Variants in TBC1D16 observed in about 807,000 individuals in gnomAD.
The protein encoded by TBC1D16 is TBC1 domain family member 16.
Under a neutral mutation model 74.7 loss-of-function variants are expected in TBC1D16, and 58 were observed. That is an observed-to-expected ratio of 0.78 (90% CI 0.63 to 0.97). The LOEUF is 0.97. Among genes scored for constraint, TBC1D16 ranks in the 50% least tolerant of loss-of-function variants. The pLI is 0.00. For synonymous variants in TBC1D16, 493 were observed against 474.7 expected, an observed-to-expected ratio of 1.04 and a Z score of -0.50; for missense variants, 1,014 against 1,079.5, an observed-to-expected ratio of 0.94 and a Z score of 0.85.
At chr17:80,024,769 T>C (rs2036487961) in intron 1 of TBC1D16, among the ~76,000 whole-genome samples, 1 of 145,574 alleles carries the variant, frequency 6.9e-6, no homozygotes, top group South Asian at 2.2e-4. Context: ...ATACACACCA[T>C]AGACACACAT....
At chr17:79,952,472 G>A (rs1313513327) in intron 4 of TBC1D16, among the ~76,000 whole-genome samples, 185 bp downstream of exon 4, 1 of 152,242 alleles carries the variant, frequency 6.6e-6, no homozygotes. Context: ...CCTGAGAACT[G>A]TCAGGGAGCT....
rs143677862 is a variant in TBC1D16, at chr17:80,000,684, A to G, written c.779+9476T>C. Among the ~76,000 whole-genome samples the G allele has an allele frequency of 4.6e-5, 7 of 152,306 alleles. No individual in the cohort carries two copies. The highest frequency in any genetic ancestry group is 1.9e-4 in the East Asian group (1 of 5,182). The stretch of plus-strand genomic sequence containing the variant: ...AGGTACACAGTGATGATGACTGTCT[A>G]TCTGCCCTGTACTGAGCCCTCTGTG... On this transcript the variant is annotated intron_variant, in intron 3 of 11. Coordinates refer to ENST00000310924, the MANE Select transcript of TBC1D16 (RefSeq NM_019020.4). This position sits in a 1 kb window ranked among gnomAD's most constrained non-coding sequence, Gnocchi z 4.1.
intron 1 of TBC1D16, among the ~76,000 whole-genome samples, chr17:80,024,434 ATC>A: frequency 1.9e-4 from 1 of 5,306 alleles, no homozygotes; most frequent in South Asian, 3.7e-3. Flanking sequence ...CACACTACAC[ATC>A]ATAGACACAC....
rs2031561593 is a variant in TBC1D16, at chr17:79,935,982, G to A, written c.*4877C>T. 6.6e-6 allele frequency: 1 copy of A among 152,198 alleles called. No homozygotes were observed. Among genetic ancestry groups the A allele is most frequent in the South Asian group, 2.1e-4 (1 of 4,828 alleles). The allele number at this position is 152,198 out of a possible 1,614,324, so 9.4% of individuals were successfully genotyped here. On this transcript the variant is annotated 3_prime_UTR_variant, in exon 12 of 12. Transcript: ENST00000310924. ...GCGACACACTATACTTAAAAGGCCAGATGGCTGCAGGCTGTTTGCACCCCT... is the reference window on the plus strand; with the variant it reads ...GCGACACACTATACTTAAAAGGCCAAATGGCTGCAGGCTGTTTGCACCCCT...
intron 3 of TBC1D16, among the ~76,000 whole-genome samples, chr17:79,984,985 C>T (rs2034774979): frequency 7.1e-6 from 1 of 140,496 alleles, no homozygotes; most frequent in Non-Finnish European, 1.5e-5. Flanking sequence ...CACAGCATTT[C>T]CCAGGGCTGC....
Position 79,952,782 on chromosome 17 carries a change from C to A in TBC1D16, c.816G>T (p.Pro272=). The A allele has an allele frequency of 6.2e-7, 1 of 1,611,448 alleles. No homozygotes were observed. The highest frequency in any genetic ancestry group is 8.5e-7 in the Non-Finnish European group (1 of 1,178,954). The change falls in exon 4 of 12, where the codon CCG becomes CCT. Residue 272 remains proline (P), a synonymous_variant. Transcript: ENST00000310924. ...GGGTCTGCAGGAGGCCGTTGCTGTCCGGGAACCGCAGGCCGGCGTCGGAGC... is the reference window on the plus strand; with the variant it reads ...GGGTCTGCAGGAGGCCGTTGCTGTCAGGGAACCGCAGGCCGGCGTCGGAGC... ...PSSSDAGLRF[P]DSNGLLQTPR...
chr17:80,008,685 C>A lies in TBC1D16; in HGVS notation c.779+1475G>T, dbSNP rs941961315. On this transcript the variant is annotated intron_variant, in intron 3 of 11. Coordinates refer to ENST00000310924, the MANE Select transcript of TBC1D16 (RefSeq NM_019020.4). This position sits in a 1 kb window ranked among gnomAD's most constrained non-coding sequence, Gnocchi z 4.5. ...GGGTTCCCTGGCGCCTGACGCCACC[C>A]AGCTCAGCAAGCCTCCTGGCACCTG... Among the ~76,000 whole-genome samples, 3 of 152,210 alleles carry A rather than the reference C, an allele frequency of 2.0e-5. No individual in the cohort carries two copies. Among genetic ancestry groups the A allele is most frequent in the African/African-American group, 7.2e-5 (3 of 41,448 alleles).
chr17:79,935,502 C>T lies in TBC1D16; in HGVS notation c.*5357G>A, dbSNP rs747428386. 4 of 152,444 alleles carry T rather than the reference C, an allele frequency of 2.6e-5. No individual in the cohort carries two copies. Among genetic ancestry groups the T allele is most frequent in the South Asian group, 2.1e-4 (1 of 4,826 alleles). 9.4% of individuals were successfully genotyped at this position (152,444 alleles called of 1,614,324 possible). Reference sequence around the variant, plus strand: ...CCCCATCTCAGAACATGGGAGAAGCCGGGCACACTGGCGTCTGCAGGCTGC... The same window carrying T: ...CCCCATCTCAGAACATGGGAGAAGCTGGGCACACTGGCGTCTGCAGGCTGC... On this transcript the variant is annotated 3_prime_UTR_variant, in exon 12 of 12. Transcript: ENST00000310924.
intron 1 of TBC1D16, among the ~76,000 whole-genome samples, chr17:80,016,508 G>C (rs2036095818): frequency 6.7e-6 from 1 of 149,842 alleles, no homozygotes; most frequent in South Asian, 2.1e-4. Context: ...TGAACTTTCT[G>C]CATTTTTTAC....
chr17:80,027,615 GGGTGCAGTA>G (rs2036624528), intron 1 of TBC1D16, among the ~76,000 whole-genome samples: 1 of 151,414 alleles, frequency 6.6e-6, no homozygotes, highest in African/African-American at 2.4e-5. Flanking sequence ...AAAAGAGGCC[GGGTGCAGTA>G]GCTCATGCCT....
At chr17:79,972,120 A>G (rs140620967) in intron 3 of TBC1D16, among the ~76,000 whole-genome samples, 4 of 152,282 alleles carry the variant, frequency 2.6e-5, no homozygotes, top group Non-Finnish European at 5.9e-5. Context: ...TGGAGAAAGA[A>G]AGTGTTGTCC....
At chr17:79,992,496 C>A (rs1461048554) in intron 3 of TBC1D16, among the ~76,000 whole-genome samples, 1 of 152,192 alleles carries the variant, frequency 6.6e-6, no homozygotes, top group Non-Finnish European at 1.5e-5. Flanking sequence ...GGAGAGAGAC[C>A]GTAGCTACCA....
At position 79,979,844 on chromosome 17, in the gene TBC1D16, CACAG is replaced by C. The variant is rs997604430; in HGVS notation, c.780-27030_780-27027del. ...AAGTAGCAAGGAGGGGAGGGGTCTT[CACAG>C]ACAGAGGCCTTGCTATGGGTGGGCT... On this transcript the variant is annotated intron_variant, in intron 3 of 11. Coordinates refer to ENST00000310924, the MANE Select transcript of TBC1D16 (RefSeq NM_019020.4). This position sits in a 1 kb window ranked among gnomAD's most constrained non-coding sequence, Gnocchi z 4.8. Among the ~76,000 whole-genome samples the C allele has an allele frequency of 6.6e-6, 1 of 152,064 alleles. No individual in the cohort carries two copies. Among genetic ancestry groups the C allele is most frequent in the Non-Finnish European group, 1.5e-5 (1 of 68,014 alleles).
chr17:79,964,427 T>A (rs1457371235), intron 3 of TBC1D16, among the ~76,000 whole-genome samples: 3 of 152,264 alleles, frequency 2.0e-5, no homozygotes, highest in Non-Finnish European at 2.9e-5. Flanking sequence ...CGCACATTTT[T>A]AAATTTTTCA....
rs532949485 is a variant in TBC1D16, at chr17:80,015,545, C to T, written c.-62-1936G>A. On this transcript the variant is annotated intron_variant, in intron 1 of 11. Coordinates refer to ENST00000310924, the MANE Select transcript of TBC1D16 (RefSeq NM_019020.4). The stretch of plus-strand genomic sequence containing the variant: ...GACCACAGCTGGGCTGCGTGCAGGC[C>T]GGCTTCACAAAAGTCTGCAGAGGTC... 2.4e-4 allele frequency among the ~76,000 whole-genome samples: 36 copies of T among 152,284 alleles called. No individual in the cohort carries two copies. The East Asian group carries it at 5.8e-3, about 24-fold the overall frequency.
In TBC1D16 at chr17:80,010,548, G is replaced by A. The variant is rs778214302; in HGVS notation, c.391C>T (p.Arg131Trp). Residue 131 changes from arginine to tryptophan, a missense_variant, in exon 3 of 12, where the codon CGG (arginine) becomes TGG (tryptophan). Arg to Trp is a moderately radical substitution (Grantham distance 101). Coordinates refer to ENST00000310924, the MANE Select transcript of TBC1D16 (RefSeq NM_019020.4). The surrounding 1 kb of genome is among the most constrained non-coding windows in gnomAD (Gnocchi z 8.8). ...ASHQPSPTEL[R>W]PTLTPKDEDI... ...TCATCTTTGGGGGTCAGGGTAGGCC[G>A]CAGCTCCGTCGGGGAGGGCTGGTGG... 64 of 1,608,396 alleles carry A rather than the reference G, an allele frequency of 4.0e-5. No homozygotes were observed. The highest frequency in any genetic ancestry group is 6.8e-5 in the Admixed American group (4 of 58,912).
chr17:79,950,927 A>C lies in TBC1D16; in HGVS notation c.1090-349T>G. The C allele has an allele frequency of 2.3e-6, 3 of 1,310,856 alleles. No individual in the cohort carries two copies. The highest frequency in any genetic ancestry group is 3.1e-6 in the Non-Finnish European group (3 of 979,426). 81.2% of individuals were successfully genotyped at this position (1,310,856 alleles called of 1,614,324 possible). On this transcript the variant is annotated intron_variant, in intron 5 of 11. Transcript: ENST00000310924. The surrounding 1 kb of genome is among the most constrained non-coding windows in gnomAD (Gnocchi z 4.6). The stretch of plus-strand genomic sequence containing the variant: ...AATTACATGTGATTGGCCACATACA[A>C]AGGGATCGCTGTTCTGCGAGCAGGG...
rs980042750 is a variant in TBC1D16, at chr17:79,983,307, A to C, written c.779+26853T>G. Among the ~76,000 whole-genome samples, 7 of 152,222 alleles carry C rather than the reference A, an allele frequency of 4.6e-5. No homozygotes were observed. The highest frequency in any genetic ancestry group is 1.7e-4 in the African/African-American group (7 of 41,464). On this transcript the variant is annotated intron_variant, in intron 3 of 11. Coordinates refer to ENST00000310924, the MANE Select transcript of TBC1D16 (RefSeq NM_019020.4). The surrounding 1 kb of genome is among the most constrained non-coding windows in gnomAD (Gnocchi z 5.6). ...CAGCTGGCCCCACCCCAGGAAATGC[A>C]GTCGGTGTGTCTTAGGAGGTTGAGT... is the stretch of plus-strand genomic sequence containing the variant.
chr17:79,951,101 G>A (rs1783104454), intron 5 of TBC1D16, among the ~76,000 whole-genome samples: 1 of 152,228 alleles, frequency 6.6e-6, no homozygotes, highest in African/African-American at 2.4e-5. Flanking sequence ...AGGCTCTGCG[G>A]GAAGGAAGGG....
Sources: allele counts gnomAD v4.1 joint callset (sites outside exome capture counted in the v4.1 genomes callset), GRCh38; gene constraint gnomAD v4.1.1; non-coding constraint Gnocchi (gnomAD v3.1); transcripts MANE v1.5; gene names NCBI Gene and HGNC (gene_info 2026-07-23, HGNC 2026-07-21).